Variants in PTPRD observed in about 807,000 individuals in gnomAD.
PTPRD encodes receptor-type tyrosine-protein phosphatase delta.
A neutral mutation model predicts 214.5 loss-of-function variants in PTPRD; 34 were observed. That is an observed-to-expected ratio of 0.16 (90% confidence interval 0.12 to 0.21). The LOEUF (loss-of-function observed/expected upper bound fraction) is 0.21, where lower values mean the gene tolerates loss of function less well. PTPRD is among the 10% of genes least tolerant of loss of function. The pLI is 1.00. For synonymous variants in PTPRD, 1,128 were observed against 845.7 expected, an observed-to-expected ratio of 1.33 and a Z score of -5.79; for missense variants, 2,545 against 2,398.7, an observed-to-expected ratio of 1.06 and a Z score of -1.27.
chr9:10,397,728 G>T (rs1473550535), intron 2 of PTPRD, among the ~76,000 whole-genome samples: 1 of 151,936 alleles, frequency 6.6e-6, no homozygotes. Flanking sequence ...AGGAGCAATA[G>T]GCTTCTAGAG....
At position 9,585,799 on chromosome 9, in the gene PTPRD, G is replaced by T. The variant is rs189890015; in HGVS notation, c.-286-11018C>A. ...CAAGGGATTCAGCCATGCATCATTT[G>T]CATTTGCCAGAGACTCAAAGGTAGG... On this transcript the variant is annotated intron_variant, in intron 7 of 45. Coordinates refer to ENST00000381196, the MANE Select transcript of PTPRD (RefSeq NM_002839.4). Among the ~76,000 whole-genome samples the T allele has an allele frequency of 5.5e-4, 78 of 142,672 alleles. No individual in the cohort carries two copies. The East Asian group carries it at 0.015, about 27-fold the overall frequency. 93.6% of individuals were successfully genotyped at this position (142,672 alleles called of 152,430 possible).
intron 8 of PTPRD, among the ~76,000 whole-genome samples, chr9:9,485,424 T>C (rs2095586971): frequency 6.6e-6 from 1 of 152,224 alleles, no homozygotes; most frequent in Admixed American, 6.5e-5. Context: ...CCTCTACTTA[T>C]CTGTATCAAT....
chr9:10,481,058 T>C (rs1254942395), intron 2 of PTPRD, among the ~76,000 whole-genome samples: 1 of 151,964 alleles, frequency 6.6e-6, no homozygotes, highest in Non-Finnish European at 1.5e-5. Flanking sequence ...TAAACAGTTC[T>C]GTTTGTTATA....
At chr9:9,788,011 G>A (rs1188478125) in intron 5 of PTPRD, among the ~76,000 whole-genome samples, 3 of 151,196 alleles carry the variant, frequency 2.0e-5, no homozygotes, top group Non-Finnish European at 2.9e-5. Context: ...TCAAACTCCC[G>A]ACTTAAGGTG....
At position 8,314,341 on chromosome 9, in the gene PTPRD, A is replaced by C. The variant is rs546399449; in HGVS notation, c.*3533T>G. 7.8e-4 allele frequency: 177 copies of C among 227,616 alleles called. 2 individuals are homozygous for C. In the East Asian group the frequency reaches 9.6e-3, roughly 12 times the overall value. 14.1% of individuals were successfully genotyped at this position (227,616 alleles called of 1,614,324 possible). The stretch of plus-strand genomic sequence containing the variant: ...TTCATACAGACTTCTTTCGCCACCA[A>C]TGTAACGAAGTAAGAAAATAAAAAG... On this transcript the variant is annotated 3_prime_UTR_variant, in exon 46 of 46. Transcript: ENST00000381196.
intron 5 of PTPRD, among the ~76,000 whole-genome samples, chr9:9,906,113 G>A (rs2077508116): frequency 6.6e-6 from 1 of 151,934 alleles, no homozygotes; most frequent in African/African-American, 2.4e-5. Flanking sequence ...GTTTTGTGCA[G>A]GCATACAAGT....
At chr9:8,546,119 A>G (rs2080070222) in intron 14 of PTPRD, among the ~76,000 whole-genome samples, 1 of 152,194 alleles carries the variant, frequency 6.6e-6, no homozygotes, top group African/African-American at 2.4e-5. Flanking sequence ...AGGGATCTCA[A>G]TCTTAAAATG....
chr9:8,938,879 C>T (rs2099014230), intron 11 of PTPRD, among the ~76,000 whole-genome samples: 1 of 152,136 alleles, frequency 6.6e-6, no homozygotes, highest in African/African-American at 2.4e-5. Flanking sequence ...CAAATGCCCT[C>T]TTCCCTTCAT....
intron 11 of PTPRD, among the ~76,000 whole-genome samples, chr9:8,969,948 G>C (rs1325093317): frequency 6.6e-6 from 1 of 151,912 alleles, no homozygotes; most frequent in Non-Finnish European, 1.5e-5. Context: ...TGAAAGCATG[G>C]TGTGTTATGA....
intron 10 of PTPRD, among the ~76,000 whole-genome samples, chr9:9,112,499 T>C (rs1044199803): frequency 4.6e-5 from 7 of 152,150 alleles, no homozygotes; most frequent in African/African-American, 1.4e-4. Context: ...AACACTGGCC[T>C]TGAGAAAATT....
At chr9:9,321,295 C>T (rs1966351125) in intron 9 of PTPRD, among the ~76,000 whole-genome samples, 1 of 152,222 alleles carries the variant, frequency 6.6e-6, no homozygotes, top group Non-Finnish European at 1.5e-5. Flanking sequence ...GTGGCTCATG[C>T]CTGTAATCCC....
rs539586256 is a variant in PTPRD, at chr9:9,532,577, A to G, written c.-237+42155T>C. Among the ~76,000 whole-genome samples the G allele has an allele frequency of 4.3e-4, 65 of 152,298 alleles. 1 individual carries two copies. In the South Asian group the frequency reaches 0.013, roughly 31 times the overall value. The stretch of plus-strand genomic sequence containing the variant: ...TCAGATTTCTTTGAGAATTCAGGAA[A>G]GCTACATGAAAAGGCTTTCCAATTC... On this transcript the variant is annotated intron_variant, in intron 8 of 45. Transcript: ENST00000381196.
intron 2 of PTPRD, among the ~76,000 whole-genome samples, chr9:10,542,954 T>C (rs1364259383): frequency 6.6e-6 from 1 of 152,184 alleles, no homozygotes; most frequent in East Asian, 1.9e-4. Flanking sequence ...TGTCTCCATG[T>C]TGGTCGCACT....
chr9:8,333,907 TA>T (rs1844017904), intron 43 of PTPRD, among the ~76,000 whole-genome samples: 1 of 151,988 alleles, frequency 6.6e-6, no homozygotes, highest in Non-Finnish European at 1.5e-5. Context: ...CTGATGACTT[TA>T]AACCAACAAA....
intron 8 of PTPRD, among the ~76,000 whole-genome samples, chr9:9,562,064 C>G (rs1022398799): frequency 6.6e-6 from 1 of 152,158 alleles, no homozygotes; most frequent in East Asian, 1.9e-4. Context: ...TAAAAGACAT[C>G]TGAAATTCAA....
Position 9,045,129 on chromosome 9 carries a change from T to C in PTPRD, c.-142-26394A>G, listed in dbSNP as rs567277878. ...TCTGTTATGGTTCAAATTAGGAGCATGAAATACACTTTACAACCTAGGGGA... is the reference window on the plus strand; with the variant it reads ...TCTGTTATGGTTCAAATTAGGAGCACGAAATACACTTTACAACCTAGGGGA... On this transcript the variant is annotated intron_variant, in intron 10 of 45. Coordinates refer to ENST00000381196, the MANE Select transcript of PTPRD (RefSeq NM_002839.4). 2.0e-5 allele frequency among the ~76,000 whole-genome samples: 3 copies of C among 152,282 alleles called. No homozygotes were observed. The South Asian group carries it at 6.2e-4, about 32-fold the overall frequency.
At chr9:9,706,651 C>T (rs766171852) in intron 7 of PTPRD, among the ~76,000 whole-genome samples, 1 of 151,850 alleles carries the variant, frequency 6.6e-6, no homozygotes, top group Non-Finnish European at 1.5e-5. Flanking sequence ...TGTTGGCCAA[C>T]CTGGTCTCGA....
rs574880746 is a variant in PTPRD, at chr9:10,131,995, C to A, written c.-544-98205G>T. ...TTCTGGGTTAGCCTCTCTTCAACTA[C>A]ACACCATTCGGTTAGCTATTTCTAA... On this transcript the variant is annotated intron_variant, in intron 3 of 45. Transcript: ENST00000381196. Among the ~76,000 whole-genome samples the A allele has an allele frequency of 1.8e-3, 277 of 152,246 alleles. 5 individuals carry two copies. The highest frequency in any genetic ancestry group is 6.5e-3 in the African/African-American group (269 of 41,550).
chr9:9,379,425 T>C (rs1253816257), intron 9 of PTPRD, among the ~76,000 whole-genome samples: 1 of 151,822 alleles, frequency 6.6e-6, no homozygotes, highest in African/African-American at 2.4e-5. Flanking sequence ...TACCATGCAG[T>C]CTCGATTACT....
Sources: gnomAD v4.1 joint callset for allele counts (sites outside exome capture counted in the v4.1 genomes callset) on GRCh38, gnomAD v4.1.1 for gene constraint, MANE v1.5 for transcripts, NCBI Gene and HGNC (gene_info 2026-07-23, HGNC 2026-07-21) for gene names.